Variants in KIAA1549 observed in about 807,000 individuals in gnomAD.
KIAA1549 encodes the protein KIAA1549.
KIAA1549 carries 70 observed loss-of-function variants against 156.4 expected under a neutral mutation model. The observed-to-expected ratio is 0.45, with a 90% CI of 0.37 to 0.55. The LOEUF is 0.55. Ranked by LOEUF, KIAA1549 falls within the 20% of genes least tolerant of loss-of-function variation. The pLI, the probability that KIAA1549 is intolerant of heterozygous loss-of-function variation, is 0.00. For missense variants in KIAA1549, 2,428 were observed against 2,540.9 expected (o/e 0.96, Z 0.96); for synonymous variants, 1,103 against 1,066.4 (o/e 1.03, Z -0.67).
chr7:138,883,557 T>C (rs1811310359), intron 10 of KIAA1549, among the ~76,000 whole-genome samples: 1 of 152,056 alleles, frequency 6.6e-6, no homozygotes, highest in Admixed American at 6.5e-5. Flanking sequence ...TCTCCAGTGA[T>C]CCACCCACCT....
In KIAA1549 at chr7:138,917,688, C is replaced by T. The variant is rs375932444; in HGVS notation, c.1938G>A (p.Ala646=). 57 of 1,609,172 alleles carry T rather than the reference C, an allele frequency of 3.5e-5. No homozygotes were observed. Among genetic ancestry groups the T allele is most frequent in the East Asian group, 6.7e-5 (3 of 44,760 alleles). The change falls in exon 2 of 20, where the codon GCG becomes GCA. Residue 646 remains alanine (A), a synonymous_variant. Coordinates refer to ENST00000422774, the MANE Select transcript of KIAA1549 (RefSeq NM_001164665.2). ...AGTCACTCGGCATCAGAGACAGAGA[C>T]GCAGGTGCTTCCGAAGGCGAAGAGA... ...GSISSPSEAP[A]SLSLMPSDLS... is the part of the protein sequence containing the mutation.
chr7:138,880,553 G>T (rs1811212234), intron 11 of KIAA1549, among the ~76,000 whole-genome samples: 1 of 152,184 alleles, frequency 6.6e-6, no homozygotes. Flanking sequence ...ATGTTGATAT[G>T]ATCACACACT....
chr7:138,893,943 C>T (rs1321115792), intron 10 of KIAA1549, among the ~76,000 whole-genome samples: 3 of 152,162 alleles, frequency 2.0e-5, no homozygotes, highest in Non-Finnish European at 2.9e-5. Flanking sequence ...TGGTGGCACA[C>T]GCCTGTAATC....
At chr7:138,882,371 G>A (rs772261242) in intron 10 of KIAA1549, among the ~76,000 whole-genome samples, 3 of 152,248 alleles carry the variant, frequency 2.0e-5, no homozygotes, top group Non-Finnish European at 4.4e-5. Flanking sequence ...AAGAGTGAAA[G>A]TGACGTTAAG....
chr7:138,897,576 T>G (rs551893633), intron 9 of KIAA1549, among the ~76,000 whole-genome samples: 1 of 152,220 alleles, frequency 6.6e-6, no homozygotes, highest in Admixed American at 6.5e-5. Context: ...TTACCAAGAC[T>G]GCTTGCAGGA....
At chr7:138,875,363 C>T (rs373590862) in intron 12 of KIAA1549, among the ~76,000 whole-genome samples, 8 of 152,076 alleles carry the variant, frequency 5.3e-5, no homozygotes, top group Admixed American at 2.0e-4. Flanking sequence ...GAAAGAAAAA[C>T]GCTGGGCATA....
At chr7:138,972,561 T>C (rs1202261017) in intron 1 of KIAA1549, among the ~76,000 whole-genome samples, 1 of 152,024 alleles carries the variant, frequency 6.6e-6, no homozygotes, top group East Asian at 1.9e-4. Flanking sequence ...ATGGCTCACC[T>C]TTCCCAGACA....
rs750468557 is a variant in KIAA1549 at position 138,918,412 on chromosome 7, T to C, written c.1214A>G (p.Asn405Ser). Reference sequence around the variant, plus strand: ...GGACACCGGGCTCAGGATATGAGTGTTGTCCACAGGACCGGGGAGGGCTGA... The same window carrying C: ...GGACACCGGGCTCAGGATATGAGTGCTGTCCACAGGACCGGGGAGGGCTGA... ...SNSALPGPVDNTHILSPVSSF... is the reference protein window; with the variant it reads ...SNSALPGPVDSTHILSPVSSF... Residue 405 changes from asparagine to serine, a missense_variant, in exon 2 of 20, where the codon AAC (asparagine) becomes AGC (serine). Around this residue, in one of 5 missense-constraint regions of KIAA1549, gnomAD observed 893 missense variants for 847.9 expected, o/e 1.05. Transcript: ENST00000422774. This position sits in a 1 kb window ranked among gnomAD's most constrained non-coding sequence, Gnocchi z 4.2. The C allele has an allele frequency of 1.2e-6, 2 of 1,613,974 alleles. No individual in the cohort carries two copies. Among genetic ancestry groups the C allele is most frequent in the Non-Finnish European group, 1.7e-6 (2 of 1,179,892 alleles).
chr7:138,842,359 G>A (rs928469276), intron 18 of KIAA1549, among the ~76,000 whole-genome samples: 7 of 152,192 alleles, frequency 4.6e-5, no homozygotes, highest in African/African-American at 7.2e-5. Flanking sequence ...GGCTACCGCT[G>A]AGCCTTGATT....
At chr7:138,939,300 A>G (rs1386829109) in intron 1 of KIAA1549, among the ~76,000 whole-genome samples, 2 of 152,190 alleles carry the variant, frequency 1.3e-5, no homozygotes, top group African/African-American at 4.8e-5. Context: ...TGGCCTCAAA[A>G]TATTTTTGTA....
chr7:138,842,462 G>A (rs1809949022), intron 18 of KIAA1549, among the ~76,000 whole-genome samples: 1 of 152,158 alleles, frequency 6.6e-6, no homozygotes, highest in Non-Finnish European at 1.5e-5. Context: ...TGAGGCGGGC[G>A]GATCACCTGA....
At chr7:138,964,991 T>C (rs1271062058) in intron 1 of KIAA1549, among the ~76,000 whole-genome samples, 1 of 151,976 alleles carries the variant, frequency 6.6e-6, no homozygotes, top group African/African-American at 2.4e-5. Flanking sequence ...GACAGGGTCT[T>C]GCTCTGTTGC....
intron 1 of KIAA1549, among the ~76,000 whole-genome samples, chr7:138,937,387 G>C (rs1252738707): frequency 6.6e-6 from 1 of 152,152 alleles, no homozygotes; most frequent in Non-Finnish European, 1.5e-5. Context: ...CCAGCCCAAA[G>C]ACTAACATGT....
At chr7:138,896,056 T>C (rs28472821) in intron 9 of KIAA1549, among the ~76,000 whole-genome samples, 8,432 of 151,972 alleles carry the variant, frequency 0.055, 274 homozygotes, top group East Asian at 0.17. Context: ...CACTAGCTCT[T>C]TGTTTTGCAC....
At chr7:138,893,302 T>C (rs183087895) in intron 10 of KIAA1549, among the ~76,000 whole-genome samples, 59 of 151,592 alleles carry the variant, frequency 3.9e-4, no homozygotes, top group African/African-American at 1.4e-3. Context: ...AATTAGGAGA[T>C]AGGGAGTGGG....
At chr7:138,922,735 C>A (rs954126433) in intron 1 of KIAA1549, among the ~76,000 whole-genome samples, 3 of 151,336 alleles carry the variant, frequency 2.0e-5, no homozygotes, top group Non-Finnish European at 1.5e-5. Context: ...GAAAAGGGAA[C>A]AGGGAAACAA....
intron 1 of KIAA1549, among the ~76,000 whole-genome samples, chr7:138,948,368 G>A (rs900094443): frequency 6.6e-6 from 1 of 152,084 alleles, no homozygotes; most frequent in Non-Finnish European, 1.5e-5. Flanking sequence ...AGGCCAAGGA[G>A]TGCCCAGGCC....
At chr7:138,839,796 T>C in intron 19 of KIAA1549, among the ~76,000 whole-genome samples, 1 of 136,250 alleles carries the variant, frequency 7.3e-6, no homozygotes, top group Non-Finnish European at 1.6e-5. Context: ...TTTTTTTTTT[T>C]TTTTTTTTTT....
At chr7:138,850,049 G>A (rs561652345) in intron 17 of KIAA1549, among the ~76,000 whole-genome samples, 10 of 152,122 alleles carry the variant, frequency 6.6e-5, no homozygotes, top group East Asian at 5.8e-4. Context: ...CTTCACAGCC[G>A]AACAATTTAT....
Sources: allele counts gnomAD v4.1 joint callset (sites outside exome capture counted in the v4.1 genomes callset), GRCh38; gene constraint gnomAD v4.1.1; regional missense constraint gnomAD v4.1.1; non-coding constraint Gnocchi (gnomAD v3.1); transcripts MANE v1.5; gene names NCBI Gene and HGNC (gene_info 2026-07-23, HGNC 2026-07-21).